PPP3CA: variants seen among roughly 807,000 people sequenced by gnomAD.
PPP3CA encodes the protein CAM-PRP catalytic subunit.
In PPP3CA, 14 loss-of-function variants were observed where a neutral mutation model predicts 66.5. That is an observed-to-expected ratio of 0.21 (90% confidence interval 0.14 to 0.33). PPP3CA has a LOEUF of 0.33. Ranked by LOEUF, PPP3CA falls within the 10% of genes least tolerant of loss-of-function variation. PPP3CA has a pLI of 1.00. For synonymous variants in PPP3CA, 232 were observed against 226.2 expected (o/e 1.03, Z -0.23); for missense variants, 317 against 639.5 (o/e 0.50, Z 5.44).
At chr4:101,193,124 G>A (rs370593302) in intron 2 of PPP3CA, among the ~76,000 whole-genome samples, 1 of 152,300 alleles carries the variant, frequency 6.6e-6, no homozygotes, top group East Asian at 1.9e-4. Context: ...ACTTATGCTT[G>A]GTTAGATATC....
At chr4:101,313,490 A>G (rs1007287878) in intron 1 of PPP3CA, among the ~76,000 whole-genome samples, 2 of 152,228 alleles carry the variant, frequency 1.3e-5, no homozygotes, top group Non-Finnish European at 2.9e-5. Flanking sequence ...CTCTGCAAAC[A>G]TGGCAGACAT....
chr4:101,308,019 A>G (rs904611334), intron 1 of PPP3CA, among the ~76,000 whole-genome samples: 1 of 152,222 alleles, frequency 6.6e-6, no homozygotes, highest in Non-Finnish European at 1.5e-5. Context: ...CAGTCAAGGG[A>G]GAATTTCATA....
chr4:101,171,411 G>A (rs1723875774), intron 2 of PPP3CA, among the ~76,000 whole-genome samples: 1 of 148,514 alleles, frequency 6.7e-6, no homozygotes, highest in Non-Finnish European at 1.5e-5. Flanking sequence ...ATGGTTAAAA[G>A]AGAACTTGCC....
chr4:101,136,946 A>G (rs1722642171), intron 2 of PPP3CA, among the ~76,000 whole-genome samples: 1 of 152,172 alleles, frequency 6.6e-6, no homozygotes, highest in Admixed American at 6.5e-5. Flanking sequence ...ATAAACAGCT[A>G]TAACTGAGTT....
chr4:101,295,769 A>AGG (rs1728183094), intron 1 of PPP3CA, among the ~76,000 whole-genome samples: 1 of 152,376 alleles, frequency 6.6e-6, no homozygotes, highest in Admixed American at 6.5e-5. Flanking sequence ...TCATGAGTTA[A>AGG]AGATGTTTCC....
intron 8 of PPP3CA, among the ~76,000 whole-genome samples, chr4:101,072,777 A>G (rs1364582594): frequency 2.0e-5 from 3 of 151,842 alleles, no homozygotes; most frequent in Admixed American, 6.6e-5. Context: ...TCTACTAAAA[A>G]TACAAAAAAT....
At chr4:101,278,139 A>T (rs1727567736) in intron 1 of PPP3CA, among the ~76,000 whole-genome samples, 1 of 129,322 alleles carries the variant, frequency 7.7e-6, no homozygotes, top group Non-Finnish European at 1.7e-5. Flanking sequence ...AAAAAAAAAA[A>T]TAAAAAAATT....
intron 1 of PPP3CA, among the ~76,000 whole-genome samples, chr4:101,256,402 T>C (rs549239483): frequency 2.2e-4 from 34 of 152,136 alleles, no homozygotes; most frequent in Admixed American, 2.0e-3. Context: ...AACAGGTTGC[T>C]AATTACATGA....
At chr4:101,236,742 T>C (rs1317951142) in intron 1 of PPP3CA, among the ~76,000 whole-genome samples, 1 of 151,906 alleles carries the variant, frequency 6.6e-6, no homozygotes, top group Non-Finnish European at 1.5e-5. Context: ...TAAATAAACA[T>C]AATATTTTGC....
chr4:101,305,770 T>C (rs569586272), intron 1 of PPP3CA, among the ~76,000 whole-genome samples: 25 of 152,318 alleles, frequency 1.6e-4, no homozygotes, highest in African/African-American at 5.8e-4. Flanking sequence ...CAGCAGGTTA[T>C]GGAGGGGGGT....
At chr4:101,234,701 G>T (rs1282058989) in intron 1 of PPP3CA, among the ~76,000 whole-genome samples, 1 of 151,552 alleles carries the variant, frequency 6.6e-6, no homozygotes, top group Non-Finnish European at 1.5e-5. Flanking sequence ...AAAACTAAAA[G>T]AGACTCCAAC....
In PPP3CA at chr4:101,032,346, C is replaced by A; in HGVS notation, c.1260G>T (p.Val420=). The change falls in exon 12 of 14, where the codon GTG becomes GTT. Residue 420 remains valine (V), a synonymous_variant. Coordinates refer to ENST00000394854, the MANE Select transcript of PPP3CA (RefSeq NM_000944.5). ...FSVLREESES[V]LTLKGLTPTG... ...TTGGGGTCAAGCCTTTCAGCGTCAG[C>A]ACACTCTCACTCTCTTCTCTGGAAG... is the stretch of plus-strand genomic sequence containing the variant. 1 of 1,613,154 alleles carries A rather than the reference C, an allele frequency of 6.2e-7. No individual in the cohort carries two copies. Among genetic ancestry groups the A allele is most frequent in the Non-Finnish European group, 8.5e-7 (1 of 1,179,586 alleles).
rs565283729 is a variant in PPP3CA, at chr4:101,121,575, C to T, written c.260-12497G>A. Among the ~76,000 whole-genome samples, 33 of 152,054 alleles carry T rather than the reference C, an allele frequency of 2.2e-4. No homozygotes were observed. The East Asian group carries it at 3.7e-3, about 17-fold the overall frequency. ...GTCAGAACAGAAAAACGTTCTAAAA[C>T]TCTAAATAATAGCTAAGTACATAAA... On this transcript the variant is annotated intron_variant, in intron 2 of 13. Coordinates refer to ENST00000394854, the MANE Select transcript of PPP3CA (RefSeq NM_000944.5).
At chr4:101,124,791 G>GAAAGAAAC (rs1722191299) in intron 2 of PPP3CA, among the ~76,000 whole-genome samples, 1 of 121,226 alleles carries the variant, frequency 8.2e-6, no homozygotes, top group Non-Finnish European at 1.7e-5. Context: ...AAGAAAGAAA[G>GAAAGAAAC]AAAGAAAGAG....
intron 10 of PPP3CA, among the ~76,000 whole-genome samples, chr4:101,051,932 G>A (rs1017604568): frequency 2.6e-5 from 4 of 151,904 alleles, no homozygotes; most frequent in African/African-American, 9.7e-5. Flanking sequence ...GTAAAATCTG[G>A]AGTATTTTTT....
chr4:101,124,711 AAGAAAGAAAGAAAGAGAAAGAAAGAAAG>A (rs1722157256), intron 2 of PPP3CA, among the ~76,000 whole-genome samples: 14 of 97,562 alleles, frequency 1.4e-4, no homozygotes, highest in African/African-American at 5.2e-4. Flanking sequence ...GAAAGAAAGA[AAGAAAGAAAGAAAGAGAAAGAAAGAAAG>A]AAAGAAAGAA....
intron 1 of PPP3CA, among the ~76,000 whole-genome samples, chr4:101,345,678 G>T (rs914889435): frequency 1.3e-5 from 2 of 152,162 alleles, no homozygotes; most frequent in African/African-American, 4.8e-5. Flanking sequence ...ATACAAGGAG[G>T]CCGATAGATT....
At chr4:101,284,721 T>A (rs569696358) in intron 1 of PPP3CA, among the ~76,000 whole-genome samples, 1 of 152,094 alleles carries the variant, frequency 6.6e-6, no homozygotes, top group African/African-American at 2.4e-5. Context: ...TTGTTTTCAA[T>A]GTCATAGTTA....
intron 2 of PPP3CA, among the ~76,000 whole-genome samples, chr4:101,175,317 G>A (rs1560641242): frequency 1.3e-5 from 2 of 152,170 alleles, no homozygotes; most frequent in African/African-American, 2.4e-5. Flanking sequence ...CTGGGAAAGA[G>A]TAATAGCCAA....
Sources: gnomAD v4.1 joint callset for allele counts (sites outside exome capture counted in the v4.1 genomes callset) on GRCh38, gnomAD v4.1.1 for gene constraint, MANE v1.5 for transcripts, NCBI Gene and HGNC (gene_info 2026-07-23, HGNC 2026-07-21) for gene names.